Variants in GRAMD1B observed in about 807,000 individuals in gnomAD.
GRAMD1B encodes the protein protein Aster-B.
Under a neutral mutation model 99.7 loss-of-function variants are expected in GRAMD1B, and 37 were observed. The ratio of observed to expected loss-of-function variants is 0.37; its 90% CI spans 0.29 to 0.49. The LOEUF (loss-of-function observed/expected upper bound fraction) is 0.49, where lower values mean the gene tolerates loss of function less well. Ranked by LOEUF, GRAMD1B falls within the 20% of genes least tolerant of loss-of-function variation. GRAMD1B has a pLI of 0.98. For missense variants in GRAMD1B, 888 were observed against 1,009.2 expected, an observed-to-expected ratio of 0.88 and a Z score of 1.63; for synonymous variants, 427 against 387.6, an observed-to-expected ratio of 1.10 and a Z score of -1.19.
chr11:123,615,874 G>T (rs1292862521), intron 17 of GRAMD1B, among the ~76,000 whole-genome samples: 2 of 152,212 alleles, frequency 1.3e-5, no homozygotes, highest in Non-Finnish European at 2.9e-5. Flanking sequence ...AGAAGACAAG[G>T]TCTAGGACGG....
chr11:123,480,977 C>G, intron 2 of GRAMD1B, 84 bp downstream of exon 2: 1 of 397,746 alleles, frequency 2.5e-6, no homozygotes, highest in East Asian at 3.6e-5. Context: ...TGCCTCTGCT[C>G]TGTGCAAAAA....
At chr11:123,560,655 T>G (rs1946642043) in intron 2 of GRAMD1B, 1 of 460,258 alleles carries the variant, frequency 2.2e-6, no homozygotes, top group Non-Finnish European at 4.3e-6. Flanking sequence ...GCTTCCAGGT[T>G]AGTGCTAACT....
intron 1 of GRAMD1B, among the ~76,000 whole-genome samples, chr11:123,378,579 G>T (rs1433222618): frequency 6.6e-6 from 1 of 152,178 alleles, no homozygotes; most frequent in Non-Finnish European, 1.5e-5. Flanking sequence ...GAAATTCTTT[G>T]ATTACTATTT....
At chr11:123,431,275 G>A (rs1200982028) in intron 1 of GRAMD1B, 109 bp downstream of exon 1, 3 of 595,820 alleles carry the variant, frequency 5.0e-6, no homozygotes, top group Non-Finnish European at 9.0e-6. Context: ...ACAGGAGCCC[G>A]TCACCAGAGG....
At chr11:123,380,309 A>G (rs750363317) in intron 1 of GRAMD1B, among the ~76,000 whole-genome samples, 1 of 152,178 alleles carries the variant, frequency 6.6e-6, no homozygotes, top group Non-Finnish European at 1.5e-5. Flanking sequence ...TAGCTCTTAC[A>G]TTTAGGTCTT....
chr11:123,407,576 T>C (rs1947898240), intron 1 of GRAMD1B, among the ~76,000 whole-genome samples: 1 of 152,210 alleles, frequency 6.6e-6, no homozygotes, highest in Admixed American at 6.5e-5. Context: ...ATTAGGAACC[T>C]GTTGGTCACA....
At chr11:123,368,396 T>A (rs1188731748) in intron 1 of GRAMD1B, among the ~76,000 whole-genome samples, 1 of 151,382 alleles carries the variant, frequency 6.6e-6, no homozygotes, top group African/African-American at 2.4e-5. Flanking sequence ...GAAAGATAAG[T>A]TAAGGCTGGA....
At chr11:123,416,079 T>G (rs1264113523) in intron 1 of GRAMD1B, among the ~76,000 whole-genome samples, 1 of 152,242 alleles carries the variant, frequency 6.6e-6, no homozygotes, top group Non-Finnish European at 1.5e-5. Flanking sequence ...TTCACTATAA[T>G]GTATAGCTTA....
At chr11:123,402,278 A>G (rs577454204) in intron 1 of GRAMD1B, among the ~76,000 whole-genome samples, 4 of 152,274 alleles carry the variant, frequency 2.6e-5, no homozygotes, top group African/African-American at 4.8e-5. Flanking sequence ...GGCCTCCCCA[A>G]AGTGCTGGGA....
chr11:123,519,267 A>G (rs2135408112), intron 2 of GRAMD1B, among the ~76,000 whole-genome samples: 1 of 152,332 alleles, frequency 6.6e-6, no homozygotes, highest in African/African-American at 2.4e-5. Context: ...CCAGTGACTA[A>G]TAGTGGCAGA....
upstream of GRAMD1B, among the ~76,000 whole-genome samples, chr11:123,429,229 A>G (rs1948761297): frequency 6.6e-6 from 1 of 152,120 alleles, no homozygotes; most frequent in Non-Finnish European, 1.5e-5. This position sits in a 1 kb window ranked among gnomAD's most constrained non-coding sequence, Gnocchi z 4.0. Flanking sequence ...TACTGACCCA[A>G]GAGACAAATG....
intron 7 of GRAMD1B, 128 bp downstream of exon 7, chr11:123,596,165 G>A (rs776557875): frequency 1.2e-5 from 7 of 574,160 alleles, no homozygotes; most frequent in African/African-American, 3.8e-5. Flanking sequence ...TAAGGGCGAT[G>A]CAGATTCCAG....
chr11:123,511,418 C>A (rs1035142683), intron 2 of GRAMD1B, among the ~76,000 whole-genome samples: 2 of 152,242 alleles, frequency 1.3e-5, no homozygotes, highest in East Asian at 3.9e-4. Flanking sequence ...TCTGTGGGCA[C>A]GCTAGAGGGC....
intron 1 of GRAMD1B, among the ~76,000 whole-genome samples, chr11:123,374,888 G>A (rs894242353): frequency 2.0e-5 from 3 of 152,192 alleles, no homozygotes; most frequent in Non-Finnish European, 2.9e-5. Flanking sequence ...TAGTCACAGA[G>A]TTTCAACAAA....
In GRAMD1B at chr11:123,596,161, C is replaced by T. The variant is rs116955081; in HGVS notation, c.969+124C>T. 4.2e-3 allele frequency: 2,446 copies of T among 579,968 alleles called. 27 individuals are homozygous for T. The highest frequency in any genetic ancestry group is 0.015 in the Admixed American group (458 of 30,824). The allele number at this position is 579,968 out of a possible 1,614,324, so 35.9% of individuals were successfully genotyped here. ...GGATTGGGATGAGAGGCGCTAAGGG[C>T]GATGCAGATTCCAGGAAGCACCTCC... On this transcript the variant is annotated intron_variant, in intron 7 of 19. Coordinates refer to ENST00000635736, the MANE Select transcript of GRAMD1B (RefSeq NM_001387025.1).
intron 2 of GRAMD1B, among the ~76,000 whole-genome samples, chr11:123,576,420 A>T (rs1948722175): frequency 6.6e-6 from 1 of 151,978 alleles, no homozygotes; most frequent in African/African-American, 2.4e-5. Flanking sequence ...CCCTTTCTCC[A>T]TCTCTTTCCT....
chr11:123,537,433 G>C (rs1944081473), intron 2 of GRAMD1B, among the ~76,000 whole-genome samples: 1 of 152,132 alleles, frequency 6.6e-6, no homozygotes, highest in African/African-American at 2.4e-5. Context: ...AAGCTCCTTT[G>C]TTTTCTAGAG....
chr11:123,592,360 C>CA (rs1353214137), intron 4 of GRAMD1B, among the ~76,000 whole-genome samples: 2 of 152,204 alleles, frequency 1.3e-5, no homozygotes, highest in African/African-American at 2.4e-5. Context: ...CAGACTGCCT[C>CA]ACTCATATTC....
rs1565448169 is a variant in GRAMD1B at position 123,603,535 on chromosome 11, C to T, written c.1160C>T (p.Thr387Ile). 1.2e-6 allele frequency: 2 copies of T among 1,603,850 alleles called. No individual in the cohort carries two copies. Among genetic ancestry groups the T allele is most frequent in the Non-Finnish European group, 1.7e-6 (2 of 1,170,572 alleles). The change falls in exon 9 of 20, where the codon ACA becomes ATA. Residue 387 changes from threonine to isoleucine, a missense_variant. Thr to Ile is a moderately conservative substitution (Grantham distance 89, BLOSUM62 -1). Coordinates refer to ENST00000635736, the MANE Select transcript of GRAMD1B (RefSeq NM_001387025.1). The stretch of plus-strand genomic sequence containing the variant: ...GTGCCCCCTGACGACGACTTCAACA[C>T]AATGGGGTGAGTGAGGCCAAGGGCG... Reference protein sequence around the residue: ...DYVPPDDDFNTMGYCEEIPVE... With the variant: ...DYVPPDDDFNIMGYCEEIPVE...
Sources: gnomAD v4.1 joint callset for allele counts (sites outside exome capture counted in the v4.1 genomes callset) on GRCh38, gnomAD v4.1.1 for gene constraint, Gnocchi (gnomAD v3.1) non-coding constraint, MANE v1.5 for transcripts, NCBI Gene and HGNC (gene_info 2026-07-23, HGNC 2026-07-21) for gene names.